The following REV1 variants were observed in gnomAD, a reference collection of about 807,000 sequenced individuals.
REV1 encodes the protein REV1 DNA directed polymerase, also known as translesion synthesis protein REV1.
In REV1, 42 loss-of-function variants were observed where a neutral mutation model predicts 137.4. The observed-to-expected ratio is 0.31, with a 90% CI of 0.24 to 0.40. The LOEUF (loss-of-function observed/expected upper bound fraction) is 0.40. Among genes scored for constraint, REV1 ranks in the 10% least tolerant of loss-of-function variants. The probability of loss-of-function intolerance (pLI) is 1.00; values close to 1 mark genes in which losing one functional copy is unlikely to be tolerated. For synonymous variants in REV1, 524 were observed against 519.2 expected, an observed-to-expected ratio of 1.01 and a Z score of -0.12; for missense variants, 1,282 against 1,490.1, an observed-to-expected ratio of 0.86 and a Z score of 2.30.
chr2:99,480,900 C>T (rs1163352767), intron 1 of REV1, among the ~76,000 whole-genome samples: 2 of 152,152 alleles, frequency 1.3e-5, no homozygotes, highest in African/African-American at 4.8e-5. Context: ...TTCTTCAAGA[C>T]ACCAGAAGTC....
chr2:99,456,138 C>T (rs904817148), intron 3 of REV1, among the ~76,000 whole-genome samples: 3 of 152,190 alleles, frequency 2.0e-5, no homozygotes, highest in Non-Finnish European at 2.9e-5. Context: ...TCAAATGTGG[C>T]CCATTCCTTA....
At position 99,405,915 on chromosome 2, in the gene REV1, A is replaced by G; in HGVS notation, c.2806T>C (p.Ser936Pro). The stretch of plus-strand genomic sequence containing the variant: ...TTAGGACTACAAAAATGTACCTGGG[A>G]AGGTGACGGGACCTCTATACTCAGG... ...LNLSIEVPSP[S>P]QLDQSVLEAL... Residue 936 changes from serine to proline, a missense_variant, in exon 17 of 23, where the codon TCC (serine) becomes CCC (proline). Ser to Pro is a moderately conservative substitution (Grantham distance 74). Coordinates refer to ENST00000258428, the MANE Select transcript of REV1 (RefSeq NM_016316.4). 2 of 1,531,432 alleles carry G rather than the reference A, an allele frequency of 1.3e-6. No homozygotes were observed. The highest frequency in any genetic ancestry group is 1.8e-6 in the Non-Finnish European group (2 of 1,136,142). The allele number at this position is 1,531,432 out of a possible 1,614,324, so 94.9% of individuals were successfully genotyped here.
chr2:99,472,595 C>A (rs897043314), intron 1 of REV1, among the ~76,000 whole-genome samples: 2 of 152,198 alleles, frequency 1.3e-5, no homozygotes, highest in East Asian at 3.8e-4. Context: ...TGTATAGGCA[C>A]CTGCAAGCTG....
chr2:99,480,117 G>A (rs988131143), intron 1 of REV1, among the ~76,000 whole-genome samples: 1 of 152,250 alleles, frequency 6.6e-6, no homozygotes, highest in African/African-American at 2.4e-5. Flanking sequence ...CCAGGAATTC[G>A]AGATCAGCCT....
At chr2:99,451,254 G>A (rs1459784147) in intron 3 of REV1, 4 of 690,232 alleles carry the variant, frequency 5.8e-6, no homozygotes, top group South Asian at 4.2e-5. Flanking sequence ...TCTATTTAAT[G>A]ACTTAAATAG....
At chr2:99,426,729 A>G (rs1341476464) in intron 9 of REV1, among the ~76,000 whole-genome samples, 3 of 152,212 alleles carry the variant, frequency 2.0e-5, no homozygotes, top group Non-Finnish European at 1.5e-5. Context: ...ACCGTGACTC[A>G]TCTATTACAA....
intron 3 of REV1, among the ~76,000 whole-genome samples, chr2:99,456,714 A>G (rs1484538920): frequency 1.3e-5 from 2 of 152,236 alleles, no homozygotes; most frequent in African/African-American, 2.4e-5. Context: ...TATGAATTAT[A>G]TATCTCTCTA....
At position 99,403,726 on chromosome 2, in the gene REV1, G is replaced by C. The variant is rs1289974468; in HGVS notation, c.3135C>G (p.Asn1045Lys). The part of the protein sequence containing the change: ...AYDQRQRQGE[N>K]STHQQSASAS... The stretch of plus-strand genomic sequence containing the variant: ...CGCTGGCTGACTGCTGGTGAGTGCT[G>C]TTCTCGCCCTGCCTTTGTCTTTGAT... The change falls in exon 19 of 23, where the codon AAC becomes AAG. Residue 1045 changes from asparagine (N) to lysine (K), a missense_variant. Around this residue, in one of 7 missense-constraint regions of REV1, gnomAD observed 170 missense variants for 156.8 expected, o/e 1.08. Transcript: ENST00000258428. The C allele has an allele frequency of 1.2e-6, 2 of 1,614,068 alleles. No individual in the cohort carries two copies. The highest frequency in any genetic ancestry group is 2.2e-5 in the East Asian group (1 of 44,890).
At chr2:99,426,648 T>C (rs1301766138) in intron 9 of REV1, among the ~76,000 whole-genome samples, 1 of 152,192 alleles carries the variant, frequency 6.6e-6, no homozygotes, top group Non-Finnish European at 1.5e-5. Context: ...AAATGAGCTT[T>C]GTTCCATAGA....
At chr2:99,462,980 C>G (rs1171416671) in intron 2 of REV1, among the ~76,000 whole-genome samples, 1 of 151,736 alleles carries the variant, frequency 6.6e-6, no homozygotes, top group African/African-American at 2.4e-5. Flanking sequence ...CCCAGCTACT[C>G]GGGAGGCTGA....
chr2:99,426,622 T>G (rs986352780), intron 9 of REV1, among the ~76,000 whole-genome samples: 1 of 152,174 alleles, frequency 6.6e-6, no homozygotes, highest in African/African-American at 2.4e-5. Flanking sequence ...CCAAATACCT[T>G]GAGTTGATGG....
chr2:99,434,809 T>C (rs570158885), intron 7 of REV1, among the ~76,000 whole-genome samples: 1 of 151,506 alleles, frequency 6.6e-6, no homozygotes, highest in Admixed American at 6.6e-5. Context: ...CTAAATTTTT[T>C]TTTGTATTTC....
At chr2:99,404,339 G>T in intron 18 of REV1, 105 bp downstream of exon 18, 11 of 770,326 alleles carry the variant, frequency 1.4e-5, no homozygotes, top group Admixed American at 2.4e-5. Flanking sequence ...CCCAGTGGAT[G>T]TGGTGTCAGA....
At chr2:99,476,708 G>T (rs922747924) in intron 1 of REV1, among the ~76,000 whole-genome samples, 2 of 152,112 alleles carry the variant, frequency 1.3e-5, no homozygotes, top group African/African-American at 2.4e-5. Flanking sequence ...GAAAACTAAA[G>T]GTCAACCATG....
intron 3 of REV1, chr2:99,451,407 G>T: frequency 7.7e-7 from 1 of 1,301,058 alleles, no homozygotes; most frequent in East Asian, 5.6e-5. Flanking sequence ...AAAATACATT[G>T]CCCTTCTACT....
At chr2:99,476,664 T>C (rs1030800292) in intron 1 of REV1, among the ~76,000 whole-genome samples, 2 of 152,172 alleles carry the variant, frequency 1.3e-5, no homozygotes, top group Non-Finnish European at 2.9e-5. Context: ...GGTGAAGGGC[T>C]TTGAGCCATG....
chr2:99,469,797 T>G (rs562411400), intron 1 of REV1, among the ~76,000 whole-genome samples: 2 of 152,308 alleles, frequency 1.3e-5, no homozygotes, highest in South Asian at 4.1e-4. Flanking sequence ...TAGTTATTGG[T>G]AGATTTTACT....
At chr2:99,471,236 C>T (rs1473109466) in intron 1 of REV1, among the ~76,000 whole-genome samples, 1 of 152,182 alleles carries the variant, frequency 6.6e-6, no homozygotes, top group African/African-American at 2.4e-5. Context: ...TCTGCTAAGG[C>T]ATTTATTGAC....
chr2:99,480,909 T>C (rs541229670), intron 1 of REV1, among the ~76,000 whole-genome samples: 1 of 152,296 alleles, frequency 6.6e-6, no homozygotes, highest in Non-Finnish European at 1.5e-5. Context: ...ACACCAGAAG[T>C]CTTATTCAAT....
Sources: allele counts gnomAD v4.1 joint callset (sites outside exome capture counted in the v4.1 genomes callset), GRCh38; gene constraint gnomAD v4.1.1; regional missense constraint gnomAD v4.1.1; transcripts MANE v1.5; gene names NCBI Gene and HGNC (gene_info 2026-07-23, HGNC 2026-07-21).